Variants in MON2 observed in about 807,000 individuals in gnomAD.
The protein encoded by MON2 is protein MON2 homolog.
MON2 carries 84 observed loss-of-function variants against 208.6 expected under a neutral mutation model. The observed-to-expected ratio is 0.40, with a 90% CI of 0.34 to 0.48. MON2 has a LOEUF of 0.48. Ranked by LOEUF, MON2 falls within the 20% of genes least tolerant of loss-of-function variation. The pLI, the probability that MON2 is intolerant of heterozygous loss-of-function variation, is 0.59. For synonymous variants in MON2, 660 were observed against 694.0 expected (o/e 0.95, Z 0.77); for missense variants, 1,611 against 2,015.4 (o/e 0.80, Z 3.84).
chr12:62,494,080 T>A, intron 3 of MON2, 38 bp downstream of exon 3: 1 of 1,565,556 alleles, frequency 6.4e-7, no homozygotes, highest in Non-Finnish European at 8.7e-7. Context: ...ACCTAAGAGT[T>A]GAATCAGAAG....
chr12:62,486,776 C>T (rs550960144), intron 2 of MON2, among the ~76,000 whole-genome samples: 2 of 152,238 alleles, frequency 1.3e-5, no homozygotes, highest in Admixed American at 1.3e-4. Flanking sequence ...GACTATACTA[C>T]TTTTGTGCTC....
chr12:62,537,268 T>C lies in MON2; in HGVS notation c.2013+5T>C, dbSNP rs1460672396. ...CAGCCTCAAGGGACAGTAATGGTAA[T>C]GTACTTGTATTTTTCTTGGTTATCA... On this transcript the variant is annotated splice_donor_5th_base_variant and intron_variant, in intron 15 of 34. Coordinates refer to ENST00000393630, the MANE Select transcript of MON2 (RefSeq NM_015026.3). 1.3e-6 allele frequency: 2 copies of C among 1,578,966 alleles called. No individual in the cohort carries two copies. The highest frequency in any genetic ancestry group is 1.7e-6 in the Non-Finnish European group (2 of 1,153,694).
intron 5 of MON2, 73 bp from the exon 6 acceptor site, chr12:62,500,710 A>G: frequency 1.5e-6 from 1 of 687,302 alleles, no homozygotes; most frequent in South Asian, 2.2e-5. Context: ...TTTAAACATT[A>G]TCTTTTAAAC....
chr12:62,528,842 A>C (rs2072471572), intron 11 of MON2, among the ~76,000 whole-genome samples: 1 of 152,154 alleles, frequency 6.6e-6, no homozygotes, highest in Non-Finnish European at 1.5e-5. Flanking sequence ...ATTTGAGCTT[A>C]AGTTTCTTTC....
chr12:62,479,177 G>T (rs2069253500), intron 1 of MON2, among the ~76,000 whole-genome samples: 1 of 152,142 alleles, frequency 6.6e-6, no homozygotes, highest in Non-Finnish European at 1.5e-5. Context: ...GTCTTCAGCA[G>T]TTAGAAAGTA....
chr12:62,518,528 G>A (rs2071821830), intron 8 of MON2, among the ~76,000 whole-genome samples: 2 of 151,966 alleles, frequency 1.3e-5, no homozygotes, highest in African/African-American at 4.8e-5. Context: ...CTTAGTTCTC[G>A]CTCTCTTTTT....
rs1328495863 is a variant in MON2, at chr12:62,593,293, A to G, written c.*544A>G. The G allele has an allele frequency of 6.6e-6, 1 of 152,592 alleles. No homozygotes were observed. Among genetic ancestry groups the G allele is most frequent in the African/African-American group, 2.4e-5 (1 of 41,464 alleles). The allele number at this position is 152,592 out of a possible 1,614,324, so 9.5% of individuals were successfully genotyped here. A position where few individuals can be genotyped will look rare whatever the true frequency, so the allele number is the denominator to read the frequency against. Reference sequence around the variant, plus strand: ...TCTGTATAAAATAGTGCATTTATTTAAATTTTAAAAGTATTGATAATGTTA... The same window carrying G: ...TCTGTATAAAATAGTGCATTTATTTGAATTTTAAAAGTATTGATAATGTTA... On this transcript the variant is annotated 3_prime_UTR_variant, in exon 35 of 35. Coordinates refer to ENST00000393630, the MANE Select transcript of MON2 (RefSeq NM_015026.3).
chr12:62,562,961 G>T (rs1234507089), intron 26 of MON2, among the ~76,000 whole-genome samples: 2 of 152,134 alleles, frequency 1.3e-5, no homozygotes, highest in African/African-American at 4.8e-5. Context: ...TAGAGGAACT[G>T]GGAATTTAAT....
chr12:62,555,039 G>A (rs373120082), intron 24 of MON2, among the ~76,000 whole-genome samples: 1 of 151,820 alleles, frequency 6.6e-6, no homozygotes, highest in Admixed American at 6.6e-5. Context: ...CTCGTGATCC[G>A]CCCGCCTCGG....
chr12:62,592,746 T>C lies in MON2; in HGVS notation c.5151T>C (p.Ser1717=), dbSNP rs1160835825. ...CATCCAGAGTTCAAAATGGAGAATCTTGACCGGCTACAATATATTTGAAAG... is the reference window on the plus strand; with the variant it reads ...CATCCAGAGTTCAAAATGGAGAATCCTGACCGGCTACAATATATTTGAAAG... ...PPASRVQNGE[S] The change falls in exon 35 of 35, where the codon TCT becomes TCC. Residue 1717 remains serine, a synonymous_variant. Transcript: ENST00000393630. 19 of 1,589,440 alleles carry C rather than the reference T, an allele frequency of 1.2e-5. No homozygotes were observed. Among genetic ancestry groups the C allele is most frequent in the Non-Finnish European group, 1.6e-5 (19 of 1,161,616 alleles).
intron 21 of MON2, among the ~76,000 whole-genome samples, chr12:62,546,491 C>T (rs2073488029): frequency 6.6e-6 from 1 of 151,960 alleles, no homozygotes; most frequent in African/African-American, 2.4e-5. Context: ...TGGTGGCTCA[C>T]ACCTGTAATC....
intron 24 of MON2, chr12:62,553,458 T>C (rs1210417387): frequency 3.6e-6 from 1 of 277,388 alleles, no homozygotes; most frequent in Non-Finnish European, 6.7e-6. Flanking sequence ...TTTTCCCAAA[T>C]GGTAAAAACC....
At chr12:62,571,627 A>G in intron 30 of MON2, 45 bp downstream of exon 30, 1 of 1,446,088 alleles carries the variant, frequency 6.9e-7, no homozygotes, top group South Asian at 1.3e-5. Context: ...GTGGCACATT[A>G]TATCTTCAGT....
chr12:62,591,260 T>G (rs2075388933), intron 34 of MON2, among the ~76,000 whole-genome samples: 1 of 152,148 alleles, frequency 6.6e-6, no homozygotes, highest in Non-Finnish European at 1.5e-5. Context: ...CCCAACATAT[T>G]AAAACAGAGA....
At chr12:62,564,357 G>C (rs564836220) in intron 26 of MON2, among the ~76,000 whole-genome samples, 1 of 151,988 alleles carries the variant, frequency 6.6e-6, no homozygotes, top group African/African-American at 2.4e-5. Context: ...TACCCTCTCA[G>C]GCATAAAGTG....
Position 62,566,527 on chromosome 12 carries a change from C to T in MON2, c.4323+77C>T, listed in dbSNP as rs964242553. ...AATTATTCCTTAGGTAATACATTAT[C>T]ATTATATTGGGATAAATAGAAAATA... On this transcript the variant is annotated intron_variant, in intron 29 of 34. Transcript: ENST00000393630. 2.4e-6 allele frequency: 3 copies of T among 1,257,200 alleles called. No homozygotes were observed. In the African/African-American group the frequency reaches 4.6e-5, roughly 19 times the overall value. 77.9% of individuals were successfully genotyped at this position (1,257,200 alleles called of 1,614,324 possible). A position where few individuals can be genotyped will look rare whatever the true frequency, so the allele number is the denominator to read the frequency against.
In MON2 at chr12:62,518,533, CT is replaced by C. The variant is rs111395925; in HGVS notation, c.985-5973del. Among the ~76,000 whole-genome samples the C allele has an allele frequency of 5.9e-5, 9 of 151,730 alleles. 1 individual carries two copies. Among genetic ancestry groups the C allele is most frequent in the African/African-American group, 1.7e-4 (7 of 41,342 alleles). ...TCGCTGTTTTCTTAGTTCTCGCTCT[CT>C]TTTTTTTTCTTTCTCCAAGGCTGAC... is the stretch of plus-strand genomic sequence containing the variant. On this transcript the variant is annotated intron_variant, in intron 8 of 34. Transcript: ENST00000393630.
intron 8 of MON2, among the ~76,000 whole-genome samples, chr12:62,519,576 GAAA>G (rs1373054260): frequency 1.3e-5 from 2 of 152,020 alleles, no homozygotes; most frequent in Non-Finnish European, 2.9e-5. Context: ...ATGTTTTAAA[GAAA>G]AAATTATTTT....
chr12:62,468,833 T>G (rs184608709), intron 1 of MON2, among the ~76,000 whole-genome samples: 1 of 152,354 alleles, frequency 6.6e-6, no homozygotes, highest in Non-Finnish European at 1.5e-5. Flanking sequence ...TTTTGTAATT[T>G]CAACAATAAT....
Sources: allele counts gnomAD v4.1 joint callset (sites outside exome capture counted in the v4.1 genomes callset), GRCh38; gene constraint gnomAD v4.1.1; transcripts MANE v1.5; gene names NCBI Gene and HGNC (gene_info 2026-07-23, HGNC 2026-07-21).